FAAP100: variants seen among roughly 807,000 people sequenced by gnomAD.
The protein encoded by FAAP100 is Fanconi anemia core complex-associated protein 100.
A neutral mutation model predicts 65.8 loss-of-function variants in FAAP100; 46 were observed. That is an observed-to-expected ratio of 0.70 (90% CI 0.55 to 0.89). FAAP100 has a LOEUF of 0.89. Among genes scored for constraint, FAAP100 ranks in the 40% least tolerant of loss-of-function variants. The pLI is 0.00. For missense variants in FAAP100, 1,165 were observed against 1,196.7 expected (o/e 0.97, Z 0.39); for synonymous variants, 663 against 555.1 (o/e 1.19, Z -2.73).
intron 7 of FAAP100, among the ~76,000 whole-genome samples, chr17:81,543,115 G>A (rs1027700243): frequency 3.9e-5 from 6 of 152,228 alleles, no homozygotes; most frequent in Admixed American, 1.3e-4. Flanking sequence ...TGCGTGAGTT[G>A]ATGTGTTCAT....
chr17:81,551,483 GC>G (rs1275068121), intron 2 of FAAP100, among the ~76,000 whole-genome samples: 2 of 152,260 alleles, frequency 1.3e-5, no homozygotes, highest in Non-Finnish European at 2.9e-5. Context: ...CCCCTCTACA[GC>G]CTGGGCCGCG....
chr17:81,547,703 G>A (rs749971166), intron 4 of FAAP100, 25 bp from the exon 5 acceptor site: 63 of 1,603,134 alleles, frequency 3.9e-5, no homozygotes, highest in East Asian at 1.3e-4. Flanking sequence ...CATGACCCCC[G>A]GGAGCGGGGG....
At chr17:81,541,003 A>C in intron 8 of FAAP100, 53 bp from the exon 9 acceptor site, 3 of 1,512,412 alleles carry the variant, frequency 2.0e-6, no homozygotes, top group Non-Finnish European at 2.7e-6. Flanking sequence ...TGGGGATGTC[A>C]CTGGGTACCT....
intron 4 of FAAP100, among the ~76,000 whole-genome samples, chr17:81,548,700 C>T (rs2033393125): frequency 6.6e-6 from 1 of 151,960 alleles, no homozygotes; most frequent in South Asian, 2.1e-4. Context: ...GATCGCACCA[C>T]AACACTCCAG....
chr17:81,551,897 T>C, intron 2 of FAAP100, 31 bp downstream of exon 2: 1 of 1,528,240 alleles, frequency 6.5e-7, no homozygotes, highest in Non-Finnish European at 8.7e-7. Flanking sequence ...AGCAGGAGTG[T>C]GCGGGAGGGA....
Position 81,550,729 on chromosome 17 carries a change from C to T in FAAP100, c.765G>A (p.Leu255=), listed in dbSNP as rs2033459812. The change falls in exon 3 of 9, where the codon CTG becomes CTA. Residue 255 remains leucine (L), a synonymous_variant. Transcript: ENST00000327787. ...LPDGQLCCVI[L]KALVTSRSAP... ...CTGACCTGGAGGTGACCAGGGCCTTCAGGATCACACAGCAGAGCTGGCCAT... is the reference window on the plus strand; with the variant it reads ...CTGACCTGGAGGTGACCAGGGCCTTTAGGATCACACAGCAGAGCTGGCCAT... 1 of 1,612,664 alleles carries T rather than the reference C, an allele frequency of 6.2e-7. No homozygotes were observed. The highest frequency in any genetic ancestry group is 8.5e-7 in the Non-Finnish European group (1 of 1,179,816).
intron 2 of FAAP100, chr17:81,551,707 G>A: frequency 7.5e-7 from 1 of 1,335,900 alleles, no homozygotes; most frequent in Non-Finnish European, 9.5e-7. Context: ...CCCGCCGTGG[G>A]CTTAACCATG....
chr17:81,551,343 A>G (rs3924327), intron 2 of FAAP100, 140 bp from the exon 3 acceptor site: 149,107 of 796,022 alleles, frequency 0.19, 17,450 homozygotes, highest in East Asian at 0.47. Flanking sequence ...CATCTGCCAC[A>G]TGGCCTCCCA....
chr17:81,552,488 G>C (rs2033536105), upstream of FAAP100: 9 of 633,428 alleles, frequency 1.4e-5, no homozygotes, highest in Non-Finnish European at 2.0e-5. Flanking sequence ...AGGGACTCCG[G>C]GAGCTGGGGC....
chr17:81,541,725 G>C (rs1459599837), intron 7 of FAAP100, among the ~76,000 whole-genome samples: 3 of 152,176 alleles, frequency 2.0e-5, no homozygotes, highest in Non-Finnish European at 2.9e-5. Context: ...CTCCCATCCT[G>C]GGCTTCAGGC....
chr17:81,551,881 G>A (rs767293246), intron 2 of FAAP100, 47 bp downstream of exon 2: 80 of 1,502,362 alleles, frequency 5.3e-5, no homozygotes, highest in Admixed American at 8.7e-5. Flanking sequence ...GAAGCAGTCC[G>A]GGGGCAGCAG....
rs1007156303 is a variant in FAAP100, at chr17:81,545,638, G to A, written c.2310+108C>T. 29 of 1,399,400 alleles carry A rather than the reference G, an allele frequency of 2.1e-5. No homozygotes were observed. The South Asian group carries it at 4.2e-4, about 20-fold the overall frequency. The allele number at this position is 1,399,400 out of a possible 1,614,324, so 86.7% of individuals were successfully genotyped here. A position where few individuals can be genotyped will look rare whatever the true frequency, so the allele number is the denominator to read the frequency against. The stretch of plus-strand genomic sequence containing the variant: ...GAGTCCTCCGGGAAGCTTGGGAAAA[G>A]GCTGCCAGGCCCCCACCCAGGGTGA... On this transcript the variant is annotated intron_variant, in intron 6 of 8. Coordinates refer to ENST00000327787, the MANE Select transcript of FAAP100 (RefSeq NM_025161.6).
Position 81,551,128 on chromosome 17 carries a change from G to A in FAAP100, c.366C>T (p.Ala122=), listed in dbSNP as rs1167018062. ...ACAGCGCAGCATCGGGAAGGATGCA[G>A]GCATCGGGGTCCACAGGGATCACGG... ...PSPVIPVDPD[A]CILPDAALCA... Residue 122 remains alanine (A), a synonymous_variant, in exon 3 of 9, where the codon GCC becomes GCT. Transcript: ENST00000327787. 1 of 1,551,268 alleles carries A rather than the reference G, an allele frequency of 6.4e-7. No homozygotes were observed. Among genetic ancestry groups the A allele is most frequent in the South Asian group, 1.2e-5 (1 of 84,292 alleles).
chr17:81,549,261 T>C lies in FAAP100; in HGVS notation c.1348A>G (p.Ser450Gly). The C allele has an allele frequency of 6.2e-7, 1 of 1,613,096 alleles. No individual in the cohort carries two copies. The highest frequency in any genetic ancestry group is 8.5e-7 in the Non-Finnish European group (1 of 1,179,976). Residue 450 changes from serine to glycine, a missense_variant, in exon 4 of 9, where the codon AGT becomes GGT. Coordinates refer to ENST00000327787, the MANE Select transcript of FAAP100 (RefSeq NM_025161.6). ...MPGPARMTTE[S>G]AGQKIKELLS... is the part of the protein sequence containing the mutation. The stretch of plus-strand genomic sequence containing the variant: ...AGCTCCTTTATTTTCTGACCTGCAC[T>C]CTCTGTGGTCATCCTGGCTGGGCCA...
intron 4 of FAAP100, 100 bp from the exon 5 acceptor site, chr17:81,547,778 G>A (rs1337890083): frequency 3.6e-6 from 5 of 1,404,240 alleles, no homozygotes; most frequent in African/African-American, 1.4e-5. Context: ...CTGGCTCCAC[G>A]ACAAGCACAC....
chr17:81,547,727 C>T, intron 4 of FAAP100, 49 bp from the exon 5 acceptor site: 1 of 1,585,796 alleles, frequency 6.3e-7, no homozygotes, highest in South Asian at 1.1e-5. Context: ...ACCCACAGCA[C>T]CAGGTGCCAC....
In FAAP100 at chr17:81,550,260, T is replaced by A. The variant is rs151231414; in HGVS notation, c.1234A>T (p.Arg412Trp). ...CAGCAGCTCATACCTTCATGCGTCC[T>A]GGGAGACGCGGACAGCGAGACGACA... is the stretch of plus-strand genomic sequence containing the variant. ...CSVVSLSASP[R>W]THEGGTKLLA... Residue 412 changes from arginine to tryptophan, a missense_variant, in exon 3 of 9, where the codon AGG (arginine) becomes TGG (tryptophan). Transcript: ENST00000327787. 3 of 1,603,928 alleles carry A rather than the reference T, an allele frequency of 1.9e-6. No homozygotes were observed. Among genetic ancestry groups the A allele is most frequent in the Non-Finnish European group, 2.6e-6 (3 of 1,174,330 alleles).
Position 81,552,263 on chromosome 17 carries a change from G to T in FAAP100, c.68C>A (p.Ala23Glu). The change falls in exon 1 of 9, where the codon GCG (alanine) becomes GAG (glutamate). Residue 23 changes from alanine (A) to glutamate (E), a missense_variant. Physicochemically the swap from Ala to Glu is moderately radical, Grantham distance 107. Coordinates refer to ENST00000327787, the MANE Select transcript of FAAP100 (RefSeq NM_025161.6). ...GFCCPLGGLA[A>E]GKPRVLCHEA... ...ATGGCACAGCACGCGGGGCTTGCCC[G>T]CCGCCAGGCCCCCGAGAGGGCAGCA... 1.4e-6 allele frequency: 2 copies of T among 1,479,056 alleles called. No homozygotes were observed. The highest frequency in any genetic ancestry group is 8.9e-7 in the Non-Finnish European group (1 of 1,122,030). 91.6% of individuals were successfully genotyped at this position (1,479,056 alleles called of 1,614,324 possible).
At position 81,551,909 on chromosome 17, in the gene FAAP100, G is replaced by A. The variant is rs1188275412; in HGVS notation, c.290+19C>T. The stretch of plus-strand genomic sequence containing the variant: ...GGCAGCAGGAGTGTGCGGGAGGGAG[G>A]CCGCGGGCCCGCCCTCACCTGCTCC... On this transcript the variant is annotated intron_variant, in intron 2 of 8. Transcript: ENST00000327787. 5 of 1,534,058 alleles carry A rather than the reference G, an allele frequency of 3.3e-6. No homozygotes were observed. The highest frequency in any genetic ancestry group is 4.3e-6 in the Non-Finnish European group (5 of 1,150,084).
Sources: gnomAD v4.1 joint callset for allele counts (sites outside exome capture counted in the v4.1 genomes callset) on GRCh38, gnomAD v4.1.1 for gene constraint, MANE v1.5 for transcripts, NCBI Gene and HGNC (gene_info 2026-07-23, HGNC 2026-07-21) for gene names.